IKBKB: variants seen among roughly 807,000 people sequenced by gnomAD.
IKBKB encodes the protein inhibitor of nuclear factor kappa-B kinase subunit beta.
IKBKB carries 42 observed loss-of-function variants against 113.6 expected under a neutral mutation model. That is an observed-to-expected ratio of 0.37 (90% CI 0.29 to 0.48). IKBKB has a LOEUF of 0.48. Ranked by LOEUF, IKBKB falls within the 20% of genes least tolerant of loss-of-function variation. IKBKB has a pLI of 0.99. For missense variants in IKBKB, 673 were observed against 939.7 expected, an observed-to-expected ratio of 0.72 and a Z score of 3.71; for synonymous variants, 296 against 361.3, an observed-to-expected ratio of 0.82 and a Z score of 2.05.
At chr8:42,320,008 A>C in intron 15 of IKBKB, 1 of 209,460 alleles carries the variant, frequency 4.8e-6, no homozygotes, top group Non-Finnish European at 9.4e-6. Context: ...GGGATGCTAA[A>C]TCCATAGGAA....
At chr8:42,329,692 T>C in intron 21 of IKBKB, 1 of 984,790 alleles carries the variant, frequency 1.0e-6, no homozygotes, top group Non-Finnish European at 1.2e-6. Context: ...GTACTACTGC[T>C]GAGTATTTGT....
Position 42,316,221 on chromosome 8 carries a change from A to C in IKBKB, c.812A>C (p.Glu271Ala), listed in dbSNP as rs953039928. The C allele has an allele frequency of 2.3e-5, 37 of 1,613,972 alleles. No homozygotes were observed. The highest frequency in any genetic ancestry group is 3.1e-5 in the Non-Finnish European group (37 of 1,180,014). ...GCTCCTCTCCACAGTGTCCTGGCTG[A>C]GCGACTGGAGAAGTGGCTGCAACTG... Reference protein sequence around the residue: ...YPNNLNSVLAERLEKWLQLML... With the variant: ...YPNNLNSVLAARLEKWLQLML... Residue 271 changes from glutamate (E) to alanine (A), a missense_variant, in exon 10 of 22, where the codon GAG becomes GCG. Transcript: ENST00000520810. This position sits in a 1 kb window ranked among gnomAD's most constrained non-coding sequence, Gnocchi z 4.5.
chr8:42,295,656 G>C (rs962952404), intron 5 of IKBKB, among the ~76,000 whole-genome samples: 2 of 151,996 alleles, frequency 1.3e-5, no homozygotes, highest in African/African-American at 4.8e-5. Context: ...CCCAGGAGGC[G>C]GAGAGGTTGC....
At chr8:42,277,252 G>A (rs1233249050) in intron 2 of IKBKB, among the ~76,000 whole-genome samples, 4 of 147,328 alleles carry the variant, frequency 2.7e-5, no homozygotes, top group South Asian at 2.1e-4. Flanking sequence ...GCTTGATCTC[G>A]GCTCACTGCA....
In IKBKB at chr8:42,319,634, G is replaced by C. The variant is rs767611860; in HGVS notation, c.1566G>C (p.Glu522Asp). Residue 522 changes from glutamate (E) to aspartate (D), a missense_variant, in exon 15 of 22, where the codon GAG (glutamate) becomes GAC (aspartate). Physicochemically the swap from Glu to Asp is conservative, Grantham distance 45. Transcript: ENST00000520810. ...LAWREMEQAV[E>D]LCGRENEVKL... ...GGAGGGAAATGGAGCAGGCTGTGGAGCTCTGTGGGCGGGTAGGAGACTCAT... is the reference window on the plus strand; with the variant it reads ...GGAGGGAAATGGAGCAGGCTGTGGACCTCTGTGGGCGGGTAGGAGACTCAT... 6.3e-7 allele frequency: 1 copy of C among 1,591,206 alleles called. No individual in the cohort carries two copies. The highest frequency in any genetic ancestry group is 8.5e-7 in the Non-Finnish European group (1 of 1,172,782).
At chr8:42,300,042 G>A (rs1401900158) in intron 5 of IKBKB, among the ~76,000 whole-genome samples, 1 of 152,212 alleles carries the variant, frequency 6.6e-6, no homozygotes, top group Non-Finnish European at 1.5e-5. Context: ...GCAGATAGTG[G>A]ACACTCAATA....
At chr8:42,277,478 G>A (rs761617817) in intron 2 of IKBKB, among the ~76,000 whole-genome samples, 2 of 152,052 alleles carry the variant, frequency 1.3e-5, no homozygotes, top group Non-Finnish European at 2.9e-5. Flanking sequence ...TCACTAACAG[G>A]CGCCTGGCCT....
chr8:42,314,871 A>C (rs907435569), intron 9 of IKBKB, among the ~76,000 whole-genome samples: 5 of 152,208 alleles, frequency 3.3e-5, no homozygotes, highest in Admixed American at 6.5e-5. Flanking sequence ...CTAAGAAATT[A>C]ACATAGTCCT....
rs928479725 is a variant in IKBKB at position 42,308,987 on chromosome 8, C to T, written c.654C>T (p.Gly218=). The change falls in exon 8 of 22, where the codon GGC becomes GGT. Residue 218 remains glycine, a synonymous_variant. Coordinates refer to ENST00000520810, the MANE Select transcript of IKBKB (RefSeq NM_001556.3). ...FGTLAFECIT[G]FRPFLPNWQP... is the part of the protein sequence containing the mutation. ...CCCTGGCCTTTGAGTGCATCACGGG[C>T]TTCCGGCCCTTCCTCCCCAACTGGC... is the stretch of plus-strand genomic sequence containing the variant. The T allele has an allele frequency of 9.9e-6, 16 of 1,614,210 alleles. No individual in the cohort carries two copies. Among genetic ancestry groups the T allele is most frequent in the Non-Finnish European group, 1.3e-5 (15 of 1,180,014 alleles).
At chr8:42,281,905 G>A (rs1389128043) in intron 2 of IKBKB, among the ~76,000 whole-genome samples, 1 of 152,146 alleles carries the variant, frequency 6.6e-6, no homozygotes, top group Non-Finnish European at 1.5e-5. Context: ...CTGAGTCGCT[G>A]GAAGAGGCAA....
Position 42,316,920 on chromosome 8 carries a change from G to C in IKBKB, c.1125+16G>C. 1 of 1,610,968 alleles carries C rather than the reference G, an allele frequency of 6.2e-7. No individual in the cohort carries two copies. Among genetic ancestry groups the C allele is most frequent in the Non-Finnish European group, 8.5e-7 (1 of 1,177,892 alleles). Reference sequence around the variant, plus strand: ...AGACGGCAAGGTGAGCCCTGGCTTCGTACACACCATCCTGTTTACCTTGGC... The same window carrying C: ...AGACGGCAAGGTGAGCCCTGGCTTCCTACACACCATCCTGTTTACCTTGGC... On this transcript the variant is annotated intron_variant, in intron 11 of 21. Transcript: ENST00000520810. The surrounding 1 kb of genome is among the most constrained non-coding windows in gnomAD (Gnocchi z 4.5).
At chr8:42,289,459 T>C (rs1232616758) in intron 3 of IKBKB, among the ~76,000 whole-genome samples, 1 of 152,142 alleles carries the variant, frequency 6.6e-6, no homozygotes, top group Non-Finnish European at 1.5e-5. Context: ...TCCAAGGTGG[T>C]ATGTGACCGT....
intron 19 of IKBKB, among the ~76,000 whole-genome samples, chr8:42,323,316 C>T (rs756808498): frequency 1.2e-4 from 19 of 152,268 alleles, no homozygotes; most frequent in Non-Finnish European, 2.1e-4. Context: ...GGTTGACCAT[C>T]GTCTGCGTCT....
chr8:42,317,512 TA>T (rs1188410407), intron 11 of IKBKB, 144 bp from the exon 12 acceptor site: 11 of 640,260 alleles, frequency 1.7e-5, no homozygotes, highest in African/African-American at 1.5e-4. Context: ...CTGGAAACGT[TA>T]AACACTTCAT....
intron 5 of IKBKB, among the ~76,000 whole-genome samples, chr8:42,299,778 C>T (rs1236789612): frequency 6.6e-6 from 1 of 152,236 alleles, no homozygotes; most frequent in African/African-American, 2.4e-5. Context: ...TGAGCCTGCC[C>T]GTCCTTTGGG....
At chr8:42,318,721 C>T in intron 13 of IKBKB, 46 bp downstream of exon 13, 2 of 1,539,992 alleles carry the variant, frequency 1.3e-6, no homozygotes, top group Non-Finnish European at 8.8e-7. Context: ...TTTAAAATTC[C>T]TTGGTGGCTT....
chr8:42,317,365 G>A, intron 11 of IKBKB: 1 of 465,746 alleles, frequency 2.1e-6, no homozygotes. Context: ...GACTTGTGGA[G>A]CTAAAGTTAT....
chr8:42,298,489 G>A, intron 5 of IKBKB: 1 of 984,594 alleles, frequency 1.0e-6, no homozygotes, highest in African/African-American at 1.7e-5. Flanking sequence ...CTGCACATCA[G>A]GTGCACTGTC....
At chr8:42,283,944 G>A (rs912472698) in intron 2 of IKBKB, among the ~76,000 whole-genome samples, 1 of 152,162 alleles carries the variant, frequency 6.6e-6, no homozygotes, top group Non-Finnish European at 1.5e-5. Context: ...GAGGTGGATA[G>A]ATGCTCTTGG....
Sources: allele counts gnomAD v4.1 joint callset (sites outside exome capture counted in the v4.1 genomes callset), GRCh38; gene constraint gnomAD v4.1.1; non-coding constraint Gnocchi (gnomAD v3.1); transcripts MANE v1.5; gene names NCBI Gene and HGNC (gene_info 2026-07-23, HGNC 2026-07-21).